Variants in KCNQ5 observed in about 807,000 individuals in gnomAD.
KCNQ5 encodes potassium voltage-gated channel subfamily Q member 5.
In KCNQ5, 30 loss-of-function variants were observed where a neutral mutation model predicts 98.2. The ratio of observed to expected loss-of-function variants is 0.31; its 90% confidence interval spans 0.23 to 0.41. The LOEUF (loss-of-function observed/expected upper bound fraction) is 0.41. KCNQ5 is among the 10% of genes least tolerant of loss of function. The pLI is 1.00. For missense variants in KCNQ5, 835 were observed against 1,182.5 expected, an observed-to-expected ratio of 0.71 and a Z score of 4.31; for synonymous variants, 458 against 449.4, an observed-to-expected ratio of 1.02 and a Z score of -0.24.
At position 72,667,937 on chromosome 6, in the gene KCNQ5, T is replaced by C. The variant is rs2154473206; in HGVS notation, c.398+45350T>C. Reference sequence around the variant, plus strand: ...GAAAGACCAAGAGACTATCACACACTGGAGGAGATTAAGGAGATATGACGA... The same window carrying C: ...GAAAGACCAAGAGACTATCACACACCGGAGGAGATTAAGGAGATATGACGA... On this transcript the variant is annotated intron_variant, in intron 1 of 13. Transcript: ENST00000370398. Among the ~76,000 whole-genome samples the C allele has an allele frequency of 2.0e-5, 3 of 152,220 alleles. No homozygotes were observed. The Middle Eastern group carries it at 0.01, about 518-fold the overall frequency.
At position 72,669,910 on chromosome 6, in the gene KCNQ5, C is replaced by CTTTTTTTTTT. The variant is rs541665177; in HGVS notation, c.398+47330_398+47339dup. 3.0e-4 allele frequency among the ~76,000 whole-genome samples: 40 copies of CTTTTTTTTTT among 134,994 alleles called. 1 individual carries two copies. The highest frequency in any genetic ancestry group is 9.1e-4 in the African/African-American group (33 of 36,328). 88.6% of individuals were successfully genotyped at this position (134,994 alleles called of 152,430 possible). A position where few individuals can be genotyped will look rare whatever the true frequency, so the allele number is the denominator to read the frequency against. On this transcript the variant is annotated intron_variant, in intron 1 of 13. Coordinates refer to ENST00000370398, the MANE Select transcript of KCNQ5 (RefSeq NM_019842.4). ...TTCTCTTCAAAACAAACTTTCTTTC[C>CTTTTTTTTTT]TTTTTTTTTTTTTTTTGGAATGTGG...
chr6:73,063,886 A>G (rs944550962), intron 3 of KCNQ5, among the ~76,000 whole-genome samples: 2 of 152,198 alleles, frequency 1.3e-5, no homozygotes, highest in African/African-American at 4.8e-5. Context: ...TATTCTTCAC[A>G]GGAGGAAAAG....
intron 1 of KCNQ5, among the ~76,000 whole-genome samples, chr6:72,724,119 A>T (rs1770134178): frequency 6.6e-6 from 1 of 152,066 alleles, no homozygotes; most frequent in South Asian, 2.1e-4. Context: ...TTCCCTAATT[A>T]TTTTAGAGAG....
intron 1 of KCNQ5, among the ~76,000 whole-genome samples, chr6:72,842,295 C>T (rs188832554): frequency 2.0e-5 from 3 of 152,248 alleles, no homozygotes; most frequent in African/African-American, 2.4e-5. Context: ...TGTCTTTTTA[C>T]GATAGCTGGC....
intron 7 of KCNQ5, among the ~76,000 whole-genome samples, chr6:73,112,156 A>G (rs1413861706): frequency 6.6e-6 from 1 of 152,100 alleles, no homozygotes; most frequent in Non-Finnish European, 1.5e-5. Context: ...TAGAGTTGAC[A>G]TTTAGTTATG....
chr6:73,047,724 A>T (rs1026640259), intron 3 of KCNQ5, among the ~76,000 whole-genome samples: 2 of 152,226 alleles, frequency 1.3e-5, no homozygotes, highest in African/African-American at 2.4e-5. Context: ...GGTATTTATT[A>T]TGTGTCAAAC....
chr6:73,097,835 C>T (rs775088060), intron 5 of KCNQ5, among the ~76,000 whole-genome samples: 25 of 152,148 alleles, frequency 1.6e-4, no homozygotes, highest in Non-Finnish European at 3.4e-4. Flanking sequence ...TGCAGAAATG[C>T]CTGCAGTGAC....
At chr6:72,650,763 C>T (rs1371858573) in intron 1 of KCNQ5, among the ~76,000 whole-genome samples, 2 of 152,022 alleles carry the variant, frequency 1.3e-5, no homozygotes, top group East Asian at 1.9e-4. Context: ...ACATGGTTAG[C>T]ACTGGTGATA....
intron 1 of KCNQ5, among the ~76,000 whole-genome samples, chr6:73,002,485 T>G (rs190624791): frequency 1.3e-5 from 2 of 152,300 alleles, no homozygotes; most frequent in South Asian, 4.1e-4. Context: ...ATAGAGATAA[T>G]TGATAATGTA....
chr6:72,692,054 C>G (rs1768236631), intron 1 of KCNQ5, among the ~76,000 whole-genome samples: 1 of 152,178 alleles, frequency 6.6e-6, no homozygotes, highest in Non-Finnish European at 1.5e-5. Context: ...ATTTCTTCGA[C>G]CAAATTGCAC....
chr6:73,025,142 T>A (rs1346225456), intron 2 of KCNQ5, among the ~76,000 whole-genome samples: 1 of 152,128 alleles, frequency 6.6e-6, no homozygotes, highest in Non-Finnish European at 1.5e-5. Context: ...CCAGAAAAAG[T>A]GAAAAGTGAT....
At chr6:72,922,774 T>C (rs978630761) in intron 1 of KCNQ5, among the ~76,000 whole-genome samples, 12 of 151,508 alleles carry the variant, frequency 7.9e-5, no homozygotes, top group Non-Finnish European at 1.3e-4. Flanking sequence ...TTTCATTGGG[T>C]ATATAGGACA....
At position 72,977,225 on chromosome 6, in the gene KCNQ5, G is replaced by A. The variant is rs1768197615; in HGVS notation, c.399-26683G>A. 3.3e-5 allele frequency among the ~76,000 whole-genome samples: 5 copies of A among 152,304 alleles called. No individual in the cohort carries two copies. The South Asian group carries it at 1.0e-3, about 32-fold the overall frequency. On this transcript the variant is annotated intron_variant, in intron 1 of 13. Coordinates refer to ENST00000370398, the MANE Select transcript of KCNQ5 (RefSeq NM_019842.4). ...AGGAGAAGTAGTGAGGATGTGGAAA[G>A]GAAGCCATGTACCTGGGACACAAAG...
At chr6:72,992,685 A>T (rs1362273077) in intron 1 of KCNQ5, among the ~76,000 whole-genome samples, 1 of 60,458 alleles carries the variant, frequency 1.7e-5, no homozygotes, top group Admixed American at 2.0e-4. Flanking sequence ...GTTATGTGTG[A>T]ATTTGATCCT....
chr6:72,738,568 A>G (rs533719306), intron 1 of KCNQ5, among the ~76,000 whole-genome samples: 1 of 152,172 alleles, frequency 6.6e-6, no homozygotes, highest in African/African-American at 2.4e-5. Flanking sequence ...TGTTGTATTG[A>G]TTTATGACGT....
intron 1 of KCNQ5, among the ~76,000 whole-genome samples, chr6:72,722,894 G>C (rs977057085): frequency 1.6e-4 from 22 of 140,260 alleles, no homozygotes; most frequent in African/African-American, 6.1e-4. Context: ...CTGTCACCCA[G>C]GCTGGAGTGT....
At chr6:72,843,514 G>T (rs1408268084) in intron 1 of KCNQ5, among the ~76,000 whole-genome samples, 1 of 152,138 alleles carries the variant, frequency 6.6e-6, no homozygotes, top group Non-Finnish European at 1.5e-5. Flanking sequence ...TTCCAATTCT[G>T]TGAAGAAAGC....
intron 1 of KCNQ5, among the ~76,000 whole-genome samples, chr6:72,801,727 G>A (rs1172346367): frequency 4.6e-5 from 7 of 151,972 alleles, no homozygotes; most frequent in Admixed American, 4.6e-4. Context: ...AGCCTCGATG[G>A]TCTTTACAAT....
intron 1 of KCNQ5, among the ~76,000 whole-genome samples, chr6:72,847,144 C>T (rs1030717407): frequency 6.6e-6 from 1 of 151,906 alleles, no homozygotes; most frequent in Admixed American, 6.6e-5. Context: ...AAAAAATTCC[C>T]TTGCACTCCA....
Sources: allele counts gnomAD v4.1 joint callset (sites outside exome capture counted in the v4.1 genomes callset), GRCh38; gene constraint gnomAD v4.1.1; transcripts MANE v1.5; gene names NCBI Gene and HGNC (gene_info 2026-07-23, HGNC 2026-07-21).